TTLL11: variants seen among roughly 807,000 people sequenced by gnomAD.
TTLL11 encodes tubulin tyrosine ligase like 11, also known as tubulin polyglutamylase TTLL11.
In TTLL11, 42 loss-of-function variants were observed where a neutral mutation model predicts 51.7. The ratio of observed to expected loss-of-function variants is 0.81; its 90% CI spans 0.64 to 1.05. The LOEUF is 1.05. Among genes scored for constraint, TTLL11 ranks in the 50% least tolerant of loss-of-function variants. The probability of loss-of-function intolerance (pLI) is 0.00; values close to 1 mark genes in which losing one functional copy is unlikely to be tolerated. For synonymous variants in TTLL11, 381 were observed against 383.5 expected (o/e 0.99, Z 0.08); for missense variants, 799 against 940.4 (o/e 0.85, Z 1.97).
At chr9:122,030,845 G>C (rs1222182162) in intron 3 of TTLL11, among the ~76,000 whole-genome samples, 2 of 151,892 alleles carry the variant, frequency 1.3e-5, no homozygotes, top group Admixed American at 1.3e-4. Flanking sequence ...GAAGGCTGAG[G>C]CAGGAGAATG....
At chr9:121,915,118 G>A (rs1207491716) in intron 6 of TTLL11, among the ~76,000 whole-genome samples, 1 of 152,168 alleles carries the variant, frequency 6.6e-6, no homozygotes, top group African/African-American at 2.4e-5. Flanking sequence ...TGGTGGGAGG[G>A]GGAGCTGGCC....
At chr9:121,946,809 C>G (rs1841686708) in intron 6 of TTLL11, among the ~76,000 whole-genome samples, 1 of 152,150 alleles carries the variant, frequency 6.6e-6, no homozygotes, top group Admixed American at 6.5e-5. Flanking sequence ...TGAGGTGGAG[C>G]CCAGGCAGAG....
intron 6 of TTLL11, among the ~76,000 whole-genome samples, chr9:121,948,057 C>T (rs1201696158): frequency 6.6e-6 from 1 of 152,242 alleles, no homozygotes; most frequent in Non-Finnish European, 1.5e-5. Context: ...AGAATTGACA[C>T]TTACTGAATA....
rs548508640 is a variant in TTLL11 at position 121,863,793 on chromosome 9, A to G, written c.1734-3350T>C. On this transcript the variant is annotated intron_variant, in intron 7 of 8. Coordinates refer to ENST00000321582, the MANE Select transcript of TTLL11 (RefSeq NM_001139442.2). Reference sequence around the variant, plus strand: ...GGGTGGTATTCCTGATCCCATTTCAATGAAGCGTATGCTGAGGCTCAAGAG... The same window carrying G: ...GGGTGGTATTCCTGATCCCATTTCAGTGAAGCGTATGCTGAGGCTCAAGAG... 1.1e-3 allele frequency among the ~76,000 whole-genome samples: 168 copies of G among 152,350 alleles called. 1 individual carries two copies. Among genetic ancestry groups the G allele is most frequent in the African/African-American group, 3.9e-3 (161 of 41,582 alleles).
At chr9:121,895,942 T>TTGTGTGGGTGTGGG (rs1275514871) in intron 6 of TTLL11, among the ~76,000 whole-genome samples, 2 of 13,924 alleles carry the variant, frequency 1.4e-4, no homozygotes, top group African/African-American at 4.9e-4. Context: ...GTGGGTGTGT[T>TTGTGTGGGTGTGGG]TGTGTGGGTG....
chr9:122,091,181 A>T (rs1253568973), intron 1 of TTLL11, among the ~76,000 whole-genome samples: 1 of 152,156 alleles, frequency 6.6e-6, no homozygotes, highest in East Asian at 1.9e-4. Flanking sequence ...TCCCACAGGG[A>T]TAAGCTAAGT....
At chr9:122,080,903 G>A (rs1845988094) in intron 1 of TTLL11, among the ~76,000 whole-genome samples, 1 of 151,994 alleles carries the variant, frequency 6.6e-6, no homozygotes, top group African/African-American at 2.4e-5. Context: ...TTATAATGTG[G>A]ACATTAATGT....
intron 7 of TTLL11, among the ~76,000 whole-genome samples, chr9:121,864,731 C>A (rs1220793646): frequency 1.3e-5 from 2 of 152,028 alleles, no homozygotes; most frequent in African/African-American, 4.8e-5. Context: ...TTTTTGTTTT[C>A]CAGAATCAAA....
intron 3 of TTLL11, among the ~76,000 whole-genome samples, chr9:121,998,427 C>T (rs1054993753): frequency 1.6e-4 from 24 of 152,034 alleles, no homozygotes; most frequent in Admixed American, 9.2e-4. Flanking sequence ...GCTGGGATTA[C>T]AGGCACCCGC....
chr9:122,045,155 T>C (rs2131836404), intron 1 of TTLL11, among the ~76,000 whole-genome samples: 1 of 151,672 alleles, frequency 6.6e-6, no homozygotes, highest in Admixed American at 6.6e-5. Flanking sequence ...TATAGAGAAA[T>C]TGGAACCCTT....
chr9:121,935,000 G>C (rs184420012), intron 6 of TTLL11, among the ~76,000 whole-genome samples: 146 of 152,190 alleles, frequency 9.6e-4, no homozygotes, highest in African/African-American at 3.4e-3. Flanking sequence ...TGTCACCCAG[G>C]CTGCAGTGCA....
At chr9:122,051,534 T>C (rs1564375805) in intron 1 of TTLL11, among the ~76,000 whole-genome samples, 1 of 152,162 alleles carries the variant, frequency 6.6e-6, no homozygotes, top group East Asian at 1.9e-4. Flanking sequence ...TTGTTGCTCA[T>C]CCCACGGACC....
chr9:121,873,669 T>C (rs1053812469), intron 6 of TTLL11, among the ~76,000 whole-genome samples: 1 of 149,830 alleles, frequency 6.7e-6, no homozygotes, highest in Non-Finnish European at 1.5e-5. Context: ...CTTCTTCTTC[T>C]TTTTTAAGAG....
At chr9:121,824,347 T>G (rs1030544713) in intron 8 of TTLL11, among the ~76,000 whole-genome samples, 2 of 151,764 alleles carry the variant, frequency 1.3e-5, no homozygotes, top group African/African-American at 4.8e-5. Context: ...TGGTGGTGCA[T>G]GCCTGTAATC....
Position 122,039,208 on chromosome 9 carries a change from A to G in TTLL11, c.559+64T>C. On this transcript the variant is annotated intron_variant, in intron 2 of 8. Transcript: ENST00000321582. ...TCAAAAATAACTGTCATGTTTTAGT[A>G]GAAGAGTGTATCTGAGACTTGGCCC... 3 of 1,318,272 alleles carry G rather than the reference A, an allele frequency of 2.3e-6. No homozygotes were observed. In the South Asian group the frequency reaches 3.7e-5, roughly 16 times the overall value. The allele number at this position is 1,318,272 out of a possible 1,614,324, so 81.7% of individuals were successfully genotyped here.
intron 4 of TTLL11, among the ~76,000 whole-genome samples, chr9:121,986,815 C>T (rs1269888148): frequency 6.6e-6 from 1 of 151,996 alleles, no homozygotes; most frequent in Non-Finnish European, 1.5e-5. Flanking sequence ...TGCCCCACTC[C>T]CTCCGTTCTC....
intron 1 of TTLL11, among the ~76,000 whole-genome samples, chr9:122,045,902 A>G (rs527343624): frequency 9.7e-4 from 148 of 152,312 alleles, no homozygotes; most frequent in African/African-American, 3.4e-3. Flanking sequence ...GGGAACAGAA[A>G]TAGGGAGTTA....
intron 6 of TTLL11, among the ~76,000 whole-genome samples, chr9:121,955,456 A>C (rs954602050): frequency 1.1e-4 from 17 of 152,236 alleles, no homozygotes; most frequent in African/African-American, 4.1e-4. Context: ...AATGCTTCCC[A>C]TACTCAGGTA....
rs1051390147 is a variant in TTLL11 at position 122,029,859 on chromosome 9, T to TA, written c.693+1863dup. Among the ~76,000 whole-genome samples, 44 of 152,192 alleles carry TA rather than the reference T, an allele frequency of 2.9e-4. 1 individual carries two copies. The highest frequency in any genetic ancestry group is 1.0e-3 in the African/African-American group (43 of 41,446). Reference sequence around the variant, plus strand: ...CAAGCTCCATTCATGGGAAGTATCCTACATAGGTGTATCATTTTTCATCTT... The same window carrying TA: ...CAAGCTCCATTCATGGGAAGTATCCTAACATAGGTGTATCATTTTTCATCTT... On this transcript the variant is annotated intron_variant, in intron 3 of 8. Transcript: ENST00000321582.
Sources: gnomAD v4.1 joint callset for allele counts (sites outside exome capture counted in the v4.1 genomes callset) on GRCh38, gnomAD v4.1.1 for gene constraint, MANE v1.5 for transcripts, NCBI Gene and HGNC (gene_info 2026-07-23, HGNC 2026-07-21) for gene names.